Variants in GLT6D1 observed in about 807,000 individuals in gnomAD.
GLT6D1 encodes the protein glycosyltransferase 6 domain containing 1, also known as putative glycosyltransferase 6 domain-containing protein 1.
GLT6D1 carries 9 observed loss-of-function variants against 12.3 expected under a neutral mutation model. That is an observed-to-expected ratio of 0.73 (90% CI 0.44 to 1.27). GLT6D1 has a LOEUF of 1.27. GLT6D1 is among the 50% of genes most tolerant of loss of function. The pLI is 0.00. For missense variants in GLT6D1, 335 were observed against 346.2 expected, an observed-to-expected ratio of 0.97 and a Z score of 0.26; for synonymous variants, 128 against 132.3, an observed-to-expected ratio of 0.97 and a Z score of 0.23.
chr9:135,623,861 G>C lies in GLT6D1; in HGVS notation c.*236C>G, dbSNP rs570536908. The C allele has an allele frequency of 1.8e-4, 83 of 454,158 alleles. No individual in the cohort carries two copies. Among genetic ancestry groups the C allele is most frequent in the Middle Eastern group, 1.2e-3 (2 of 1,702 alleles). 28.1% of individuals were successfully genotyped at this position (454,158 alleles called of 1,614,324 possible). On this transcript the variant is annotated 3_prime_UTR_variant, in exon 5 of 5. Transcript: ENST00000371763. ...TATCCTACATTAGCCAAATAAGATGGCTCAAAATGGCAAGAAGAAACATTT... is the reference window on the plus strand; with the variant it reads ...TATCCTACATTAGCCAAATAAGATGCCTCAAAATGGCAAGAAGAAACATTT...
At chr9:135,640,058 C>T (rs952566240), upstream of GLT6D1, among the ~76,000 whole-genome samples, 1 of 152,092 alleles carries the variant, frequency 6.6e-6, no homozygotes, top group Non-Finnish European at 1.5e-5. Flanking sequence ...GGTGATCCGC[C>T]CACCTCAGCC....
intron 3 of GLT6D1, among the ~76,000 whole-genome samples, chr9:135,630,267 G>A (rs1054555841): frequency 8.6e-5 from 13 of 151,890 alleles, no homozygotes; most frequent in African/African-American, 2.4e-4. Flanking sequence ...TTAGCCAGGC[G>A]TGGTGGCAGG....
intron 2 of GLT6D1, among the ~76,000 whole-genome samples, chr9:135,632,883 G>T (rs564953560): frequency 6.6e-6 from 1 of 152,210 alleles, no homozygotes; most frequent in East Asian, 1.9e-4. Flanking sequence ...GGCCAGGATG[G>T]TCTCCAACTC....
intron 3 of GLT6D1, among the ~76,000 whole-genome samples, chr9:135,627,628 T>G (rs1304784094): frequency 6.6e-6 from 1 of 152,196 alleles, no homozygotes; most frequent in Non-Finnish European, 1.5e-5. Flanking sequence ...CTATTAAAAT[T>G]CATATGTGAG....
chr9:135,637,709 C>G (rs1361940813), intron 2 of GLT6D1, among the ~76,000 whole-genome samples: 1 of 152,122 alleles, frequency 6.6e-6, no homozygotes, highest in Non-Finnish European at 1.5e-5. Flanking sequence ...AGATTCTATT[C>G]AGTTCTTTTG....
At chr9:135,636,930 G>A (rs779285647) in intron 2 of GLT6D1, among the ~76,000 whole-genome samples, 1 of 152,070 alleles carries the variant, frequency 6.6e-6, no homozygotes, top group East Asian at 1.9e-4. Flanking sequence ...TCAGCTCACC[G>A]CAACCTCTGC....
At chr9:135,640,150 T>G (rs1833862290), upstream of GLT6D1, among the ~76,000 whole-genome samples, 1 of 152,162 alleles carries the variant, frequency 6.6e-6, no homozygotes, top group Non-Finnish European at 1.5e-5. Context: ...AGTAGCCACT[T>G]GCCACATGTG....
At chr9:135,631,585 A>G in intron 2 of GLT6D1, 107 bp from the exon 3 acceptor site, 3 of 833,676 alleles carry the variant, frequency 3.6e-6, no homozygotes, top group Non-Finnish European at 4.2e-6. Context: ...CATCAACCCA[A>G]ATCAGAGTCA....
intron 2 of GLT6D1, among the ~76,000 whole-genome samples, chr9:135,638,239 A>G (rs1165469953): frequency 6.6e-6 from 1 of 152,236 alleles, no homozygotes; most frequent in Non-Finnish European, 1.5e-5. Flanking sequence ...AGCATGGGAA[A>G]GACCAGCCCC....
At chr9:135,630,350 G>A (rs772724116) in intron 3 of GLT6D1, among the ~76,000 whole-genome samples, 1 of 149,574 alleles carries the variant, frequency 6.7e-6, no homozygotes, top group Non-Finnish European at 1.5e-5. Context: ...AGCTTGCAGT[G>A]AGCCGAGATC....
intron 3 of GLT6D1, among the ~76,000 whole-genome samples, chr9:135,629,715 T>A (rs930585100): frequency 1.3e-5 from 2 of 152,354 alleles, no homozygotes; most frequent in South Asian, 4.1e-4. Context: ...TGTTGAATTG[T>A]CAATTTCTCC....
At chr9:135,627,468 A>G (rs1201797136) in intron 3 of GLT6D1, among the ~76,000 whole-genome samples, 1 of 152,160 alleles carries the variant, frequency 6.6e-6, no homozygotes, top group Non-Finnish European at 1.5e-5. Context: ...CCCTGCAACA[A>G]CTCATCTACT....
intron 3 of GLT6D1, among the ~76,000 whole-genome samples, chr9:135,631,100 T>C (rs897468732): frequency 6.6e-6 from 1 of 152,140 alleles, no homozygotes; most frequent in African/African-American, 2.4e-5. Context: ...ACATACACTT[T>C]ACAAAGGATG....
At chr9:135,629,248 G>T (rs1407429784) in intron 3 of GLT6D1, among the ~76,000 whole-genome samples, 1 of 152,006 alleles carries the variant, frequency 6.6e-6, no homozygotes, top group Non-Finnish European at 1.5e-5. Context: ...TTTAATGTAG[G>T]CATTTATAGC....
rs7019572 is a variant in GLT6D1, at chr9:135,630,132, G to A, written c.119+1299C>T. On this transcript the variant is annotated intron_variant, in intron 3 of 4. Coordinates refer to ENST00000371763, the MANE Select transcript of GLT6D1 (RefSeq NM_182974.3). ...ATATGTCATGTAATTTTGGCCAGGC[G>A]TGGTGGCTCACACCTGTAATCCCAG... Among the ~76,000 whole-genome samples, 795 of 152,176 alleles carry A rather than the reference G, an allele frequency of 5.2e-3. 5 individuals carry two copies. The highest frequency in any genetic ancestry group is 0.016 in the African/African-American group (647 of 41,514).
intron 2 of GLT6D1, among the ~76,000 whole-genome samples, chr9:135,636,722 A>G (rs958321656): frequency 2.0e-5 from 3 of 152,012 alleles, no homozygotes; most frequent in Non-Finnish European, 2.9e-5. Flanking sequence ...CTGCCAATAT[A>G]GTTTTGCCTT....
At position 135,624,598 on chromosome 9, in the gene GLT6D1, G is replaced by T; in HGVS notation, c.330C>A (p.Ile110=). The part of the protein sequence containing the change: ...NKHFMTGYRV[I]FYIMVDAFFK... ...AGAAGGCGTCCACCATGATGTAGAA[G>T]ATCACTCGGTAGCCTGTCATGAAGT... Residue 110 remains isoleucine, a synonymous_variant, in exon 5 of 5, where the codon ATC becomes ATA. Transcript: ENST00000371763. 6.2e-7 allele frequency: 1 copy of T among 1,613,452 alleles called. No individual in the cohort carries two copies. The highest frequency in any genetic ancestry group is 1.1e-5 in the South Asian group (1 of 91,058).
At chr9:135,639,700 T>A (rs1345082553), upstream of GLT6D1, among the ~76,000 whole-genome samples, 1 of 152,192 alleles carries the variant, frequency 6.6e-6, no homozygotes, top group Admixed American at 6.5e-5. Flanking sequence ...GCATTAGACT[T>A]TACAATGGAA....
At chr9:135,626,380 C>A (rs977798990) in intron 3 of GLT6D1, among the ~76,000 whole-genome samples, 174 bp from the exon 4 acceptor site, 1 of 151,556 alleles carries the variant, frequency 6.6e-6, no homozygotes, top group Non-Finnish European at 1.5e-5. Flanking sequence ...AGTGCCACCA[C>A]CCCTGATCTC....
Sources: allele counts gnomAD v4.1 joint callset (sites outside exome capture counted in the v4.1 genomes callset), GRCh38; gene constraint gnomAD v4.1.1; transcripts MANE v1.5; gene names NCBI Gene and HGNC (gene_info 2026-07-23, HGNC 2026-07-21).